PTPN21: variants seen among roughly 807,000 people sequenced by gnomAD.
PTPN21 encodes tyrosine-protein phosphatase non-receptor type 21.
PTPN21 carries 77 observed loss-of-function variants against 131.8 expected under a neutral mutation model. The observed-to-expected ratio is 0.58, with a 90% CI of 0.49 to 0.71. The LOEUF (loss-of-function observed/expected upper bound fraction) is 0.71. Ranked by LOEUF, PTPN21 falls within the 30% of genes least tolerant of loss-of-function variation. The probability of loss-of-function intolerance (pLI) is 0.00; values close to 1 mark genes in which losing one functional copy is unlikely to be tolerated. For synonymous variants in PTPN21, 715 were observed against 621.3 expected (o/e 1.15, Z -2.24); for missense variants, 1,552 against 1,527.1 (o/e 1.02, Z -0.27).
chr14:88,506,419 T>C (rs1357375582), intron 4 of PTPN21, among the ~76,000 whole-genome samples: 1 of 152,040 alleles, frequency 6.6e-6, no homozygotes, highest in African/African-American at 2.4e-5. Context: ...AATTCAAAAA[T>C]GCTGGTGAAA....
intron 2 of PTPN21, among the ~76,000 whole-genome samples, chr14:88,533,196 A>G (rs1224201244): frequency 6.6e-6 from 1 of 152,222 alleles, no homozygotes; most frequent in East Asian, 1.9e-4. Flanking sequence ...AAAGCCAAAC[A>G]TGAAAGCTGT....
chr14:88,500,883 A>G lies in PTPN21; in HGVS notation c.676-12T>C, dbSNP rs563208482. ...CTTCCTTGGCTATCCTACAAGGAGA[A>G]AGCAGAAGAAGAAACACCCAGGAAG... On this transcript the variant is annotated splice_polypyrimidine_tract_variant and intron_variant, in intron 7 of 18. Transcript: ENST00000556564. The G allele has an allele frequency of 6.3e-7, 1 of 1,590,522 alleles. No homozygotes were observed. Among genetic ancestry groups the G allele is most frequent in the South Asian group, 1.1e-5 (1 of 90,382 alleles).
intron 12 of PTPN21, among the ~76,000 whole-genome samples, chr14:88,483,383 C>T (rs1166399759): frequency 1.3e-5 from 2 of 151,876 alleles, no homozygotes; most frequent in African/African-American, 4.8e-5. Flanking sequence ...TGGGAGGGGC[C>T]GGGATTGCAA....
Position 88,505,427 on chromosome 14 carries a change from T to C in PTPN21, c.449-56A>G, listed in dbSNP as rs577227994. The C allele has an allele frequency of 2.3e-6, 3 of 1,289,386 alleles. No individual in the cohort carries two copies. In the East Asian group the frequency reaches 7.0e-5, roughly 30 times the overall value. 79.9% of individuals were successfully genotyped at this position (1,289,386 alleles called of 1,614,324 possible). On this transcript the variant is annotated intron_variant, in intron 4 of 18. Transcript: ENST00000556564. ...TATATTTAAATTTCATTGCAAAATA[T>C]GCACAACAAAATTCAATACGCAGTA... is the stretch of plus-strand genomic sequence containing the variant.
chr14:88,482,263 G>A (rs1329870261), intron 12 of PTPN21, among the ~76,000 whole-genome samples: 3 of 152,154 alleles, frequency 2.0e-5, no homozygotes, highest in Non-Finnish European at 4.4e-5. Context: ...AAAATAACTT[G>A]GGAAGTAAGG....
At chr14:88,527,141 C>T (rs897326931) in intron 2 of PTPN21, among the ~76,000 whole-genome samples, 1 of 152,164 alleles carries the variant, frequency 6.6e-6, no homozygotes, top group Non-Finnish European at 1.5e-5. Context: ...CTTTTTCATA[C>T]AGTGGCTTCT....
intron 12 of PTPN21, 43 bp downstream of exon 12, chr14:88,485,033 T>C (rs368577272): frequency 4.8e-4 from 715 of 1,479,386 alleles, no homozygotes; most frequent in Non-Finnish European, 6.1e-4. Flanking sequence ...GATTTATCCA[T>C]AGTCATAACT....
At chr14:88,546,818 T>A (rs896674440) in intron 2 of PTPN21, among the ~76,000 whole-genome samples, 5 of 152,204 alleles carry the variant, frequency 3.3e-5, no homozygotes, top group Non-Finnish European at 7.3e-5. Flanking sequence ...CCACTCAGAT[T>A]ATTTCTGAAC....
intron 15 of PTPN21, among the ~76,000 whole-genome samples, chr14:88,471,905 T>C (rs1215203308): frequency 6.8e-6 from 1 of 147,898 alleles, no homozygotes; most frequent in Non-Finnish European, 1.5e-5. Flanking sequence ...CAAGACTCTA[T>C]CTCAAAAAAG....
intron 3 of PTPN21, among the ~76,000 whole-genome samples, chr14:88,514,810 A>G (rs1398986891): frequency 1.3e-5 from 2 of 151,978 alleles, no homozygotes; most frequent in Non-Finnish European, 2.9e-5. Flanking sequence ...TTTTTTTAGA[A>G]CACAATTTTT....
At chr14:88,508,112 C>A (rs145850604) in intron 3 of PTPN21, 92 bp from the exon 4 acceptor site, 33 of 644,152 alleles carry the variant, frequency 5.1e-5, no homozygotes, top group African/African-American at 4.6e-4. Context: ...GAAGCATAAA[C>A]CAGTGAAATA....
chr14:88,504,073 A>G (rs534914516), intron 6 of PTPN21: 1 of 194,032 alleles, frequency 5.2e-6, no homozygotes, highest in East Asian at 1.5e-4. Flanking sequence ...AATCATCCTA[A>G]TTTTACGTTA....
chr14:88,516,980 A>C, intron 3 of PTPN21, 112 bp downstream of exon 3: 1 of 1,227,700 alleles, frequency 8.1e-7, no homozygotes. Context: ...GTGGCTAAAA[A>C]TGTGGGGCGA....
At position 88,507,929 on chromosome 14, in the gene PTPN21, C is replaced by T; in HGVS notation, c.442G>A (p.Val148Ile). ...ATGAATTGATCTTATTTACCTTGAA[C>T]AGCTAAGCCTGCTAGCTGAATTGCT... ...EQAIQLAGLA[V>I]QADFGDFDQY... Residue 148 changes from valine to isoleucine, a missense_variant, in exon 4 of 19, where the codon GTT (valine) becomes ATT (isoleucine). Around this residue, in one of 4 missense-constraint regions of PTPN21, gnomAD observed 206 missense variants for 221.6 expected, o/e 0.93. Coordinates refer to ENST00000556564, the MANE Select transcript of PTPN21 (RefSeq NM_007039.4). 1 of 1,586,500 alleles carries T rather than the reference C, an allele frequency of 6.3e-7. No homozygotes were observed. Among genetic ancestry groups the T allele is most frequent in the African/African-American group, 1.3e-5 (1 of 74,304 alleles).
At position 88,479,001 on chromosome 14, in the gene PTPN21, C is replaced by T. The variant is rs748235958; in HGVS notation, c.2430G>A (p.Arg810=). The T allele has an allele frequency of 1.9e-6, 3 of 1,599,668 alleles. No individual in the cohort carries two copies. Among genetic ancestry groups the T allele is most frequent in the Non-Finnish European group, 2.6e-6 (3 of 1,173,730 alleles). The change falls in exon 13 of 19, where the codon CGG becomes CGA. Residue 810 remains arginine, a synonymous_variant. Coordinates refer to ENST00000556564, the MANE Select transcript of PTPN21 (RefSeq NM_007039.4). ...DLTTSGRYRA[R]RDSLKKRPVS... ...CCGGCCTTTTCTTCAGAGAGTCCCT[C>T]CGGGCTCGGTAGCGGCCTGACGTGG... is the stretch of plus-strand genomic sequence containing the variant.
chr14:88,482,197 G>A (rs73314166), intron 12 of PTPN21, among the ~76,000 whole-genome samples: 5,630 of 152,300 alleles, frequency 0.037, 352 homozygotes, highest in African/African-American at 0.13. Context: ...GGCAAAGCCA[G>A]GGTGCACCCC....
chr14:88,507,939 T>C lies in PTPN21; in HGVS notation c.432A>G (p.Ala144=). The C allele has an allele frequency of 1.2e-6, 2 of 1,600,484 alleles. No individual in the cohort carries two copies. The highest frequency in any genetic ancestry group is 8.5e-7 in the Non-Finnish European group (1 of 1,171,102). Residue 144 remains alanine (A), a synonymous_variant, in exon 4 of 19, where the codon GCA becomes GCG. Transcript: ENST00000556564. ...PCTLEQAIQL[A]GLAVQADFGD... is the part of the protein sequence containing the mutation. Reference sequence around the variant, plus strand: ...CTTATTTACCTTGAACAGCTAAGCCTGCTAGCTGAATTGCTTGTTCTAAGG... The same window carrying C: ...CTTATTTACCTTGAACAGCTAAGCCCGCTAGCTGAATTGCTTGTTCTAAGG...
At chr14:88,472,551 G>C (rs2140085755) in intron 14 of PTPN21, 86 bp from the exon 15 acceptor site, 1 of 846,790 alleles carries the variant, frequency 1.2e-6, no homozygotes, top group Non-Finnish European at 1.9e-6. Context: ...CTTGTTTTCT[G>C]CTTCAAATCT....
intron 10 of PTPN21, among the ~76,000 whole-genome samples, chr14:88,489,655 A>AT (rs1595363120): frequency 2.0e-5 from 3 of 152,110 alleles, no homozygotes; most frequent in Non-Finnish European, 2.9e-5. Context: ...GTCTCTTTAA[A>AT]AAAATAAATA....
Sources: allele counts gnomAD v4.1 joint callset (sites outside exome capture counted in the v4.1 genomes callset), GRCh38; gene constraint gnomAD v4.1.1; regional missense constraint gnomAD v4.1.1; transcripts MANE v1.5; gene names NCBI Gene and HGNC (gene_info 2026-07-23, HGNC 2026-07-21).